Variants in SH3BGRL2 observed in about 807,000 individuals in gnomAD.
SH3BGRL2 encodes the protein SH3 domain binding glutamate rich protein like 2.
A neutral mutation model predicts 14.8 loss-of-function variants in SH3BGRL2; 21 were observed. That is an observed-to-expected ratio of 1.42 (90% CI 1.01 to 2.05). SH3BGRL2 has a LOEUF of 2.05. Ranked by LOEUF, SH3BGRL2 falls within the 30% of genes most tolerant of loss-of-function variation. The probability of loss-of-function intolerance (pLI) is 0.00; values close to 1 mark genes in which losing one functional copy is unlikely to be tolerated. For synonymous variants in SH3BGRL2, 50 were observed against 47.8 expected, an observed-to-expected ratio of 1.05 and a Z score of -0.19; for missense variants, 147 against 130.8, an observed-to-expected ratio of 1.12 and a Z score of -0.61.
chr6:79,561,860 C>T, the SH3BGRL2 span, among the ~76,000 whole-genome samples: 3 of 152,124 alleles, frequency 2.0e-5, no homozygotes, highest in East Asian at 5.8e-4. Context: ...AACTAAAATA[C>T]ATAGATGGTT....
intron 2 of SH3BGRL2, among the ~76,000 whole-genome samples, chr6:79,679,091 A>G (rs1347024063): frequency 6.6e-6 from 1 of 152,102 alleles, no homozygotes; most frequent in Non-Finnish European, 1.5e-5. Flanking sequence ...ATGAGTGCAT[A>G]TATCTCTTTG....
chr6:79,602,727 G>A, the SH3BGRL2 span, among the ~76,000 whole-genome samples: 1 of 152,124 alleles, frequency 6.6e-6, no homozygotes, highest in Admixed American at 6.6e-5. Context: ...AAGAAAAATG[G>A]TCTAATTTGG....
Position 79,702,240 on chromosome 6 carries a change from A to G in SH3BGRL2, c.*2731A>G, listed in dbSNP as rs1276761538. ...CTCCACATAGATGTTTTTATATTAC[A>G]TGAATTTAATAATAAACTAAACTTT... On this transcript the variant is annotated 3_prime_UTR_variant, in exon 4 of 4. Transcript: ENST00000369838. 7.9e-5 allele frequency: 12 copies of G among 152,656 alleles called. No homozygotes were observed. The highest frequency in any genetic ancestry group is 7.9e-4 in the Admixed American group (12 of 15,282). 9.5% of individuals were successfully genotyped at this position (152,656 alleles called of 1,614,324 possible).
At chr6:79,667,413 A>G (rs748628893) in intron 1 of SH3BGRL2, among the ~76,000 whole-genome samples, 5 of 151,052 alleles carry the variant, frequency 3.3e-5, no homozygotes, top group Non-Finnish European at 7.4e-5. Context: ...TTTAGGCTGA[A>G]CTCAAAATAT....
rs183070643 is a variant in SH3BGRL2 at position 79,680,608 on chromosome 6, C to A, written c.231+6809C>A. Among the ~76,000 whole-genome samples the A allele has an allele frequency of 2.3e-3, 348 of 152,086 alleles. 1 individual carries two copies. Among genetic ancestry groups the A allele is most frequent in the African/African-American group, 8.1e-3 (336 of 41,514 alleles). On this transcript the variant is annotated intron_variant, in intron 2 of 3. Transcript: ENST00000369838. ...AGGATGATTTTTTTTTCTATTTCTG[C>A]AAAAACTGCTGTTGAAATTTTAATA...
intron 3 of SH3BGRL2, among the ~76,000 whole-genome samples, chr6:79,697,466 A>G (rs1338196308): frequency 6.6e-6 from 1 of 152,182 alleles, no homozygotes; most frequent in Non-Finnish European, 1.5e-5. Context: ...GTCTTAAAAT[A>G]GTAGGTCTTT....
At chr6:79,675,446 AT>A (rs1187708049) in intron 2 of SH3BGRL2, among the ~76,000 whole-genome samples, 4 of 152,076 alleles carry the variant, frequency 2.6e-5, no homozygotes, top group Non-Finnish European at 5.9e-5. Flanking sequence ...GGTATGAGCT[AT>A]TTTTCATTCA....
intron 1 of SH3BGRL2, among the ~76,000 whole-genome samples, chr6:79,643,243 C>T (rs1413526237): frequency 6.6e-6 from 1 of 152,106 alleles, no homozygotes; most frequent in Non-Finnish European, 1.5e-5. Flanking sequence ...AGATTCAAAC[C>T]CTTTTCTTCT....
the SH3BGRL2 span, among the ~76,000 whole-genome samples, chr6:79,572,591 G>A: frequency 2.6e-5 from 4 of 152,008 alleles, no homozygotes; most frequent in African/African-American, 4.8e-5. Context: ...TCAGGCTCCC[G>A]AGGAGCTGGG....
intron 1 of SH3BGRL2, among the ~76,000 whole-genome samples, chr6:79,640,044 C>T (rs137880097): frequency 6.6e-6 from 1 of 152,262 alleles, no homozygotes; most frequent in East Asian, 1.9e-4. Flanking sequence ...AGCTTAAGAA[C>T]ATATCAATGA....
rs147129722 is a variant in SH3BGRL2 at position 79,657,447 on chromosome 6, G to A, written c.46-16167G>A. On this transcript the variant is annotated intron_variant, in intron 1 of 3. Transcript: ENST00000369838. ...GGTTACTAGGAAACCAGAAGAGGAT[G>A]TGGCTCTTGTAGCTGGTGGTGGAGG... Among the ~76,000 whole-genome samples the A allele has an allele frequency of 2.5e-4, 38 of 152,304 alleles. No individual in the cohort carries two copies. The East Asian group carries it at 6.9e-3, about 28-fold the overall frequency.
At chr6:79,633,281 A>T (rs1461459355) in intron 1 of SH3BGRL2, among the ~76,000 whole-genome samples, 1 of 152,142 alleles carries the variant, frequency 6.6e-6, no homozygotes, top group Admixed American at 6.5e-5. Flanking sequence ...TCTTCTGTAA[A>T]ATGAAGGATT....
chr6:79,539,911 G>A, the SH3BGRL2 span, among the ~76,000 whole-genome samples: 1 of 152,088 alleles, frequency 6.6e-6, no homozygotes, highest in African/African-American at 2.4e-5. Flanking sequence ...TTCTACAAAA[G>A]AAGAAAAGCA....
the SH3BGRL2 span, among the ~76,000 whole-genome samples, chr6:79,595,546 A>G: frequency 6.6e-6 from 1 of 152,232 alleles, no homozygotes; most frequent in Non-Finnish European, 1.5e-5. Context: ...ATCTGAAATC[A>G]ATTAATATAA....
At chr6:79,542,516 G>A in the SH3BGRL2 span, among the ~76,000 whole-genome samples, 1 of 152,232 alleles carries the variant, frequency 6.6e-6, no homozygotes, top group African/African-American at 2.4e-5. Flanking sequence ...TGATCCACCC[G>A]CCTTGGCCTC....
the SH3BGRL2 span, among the ~76,000 whole-genome samples, chr6:79,617,200 A>G: frequency 4.1e-3 from 48 of 11,788 alleles, 1 homozygote; most frequent in South Asian, 0.15. Flanking sequence ...CAAAAAAAAG[A>G]AAAAAAAAAG....
chr6:79,677,127 C>T (rs1769901161), intron 2 of SH3BGRL2, among the ~76,000 whole-genome samples: 1 of 152,166 alleles, frequency 6.6e-6, no homozygotes, highest in South Asian at 2.1e-4. Flanking sequence ...TAACCACAGG[C>T]CTTGTTCATC....
At chr6:79,654,871 C>T (rs1297505220) in intron 1 of SH3BGRL2, among the ~76,000 whole-genome samples, 1 of 151,976 alleles carries the variant, frequency 6.6e-6, no homozygotes, top group Non-Finnish European at 1.5e-5. Context: ...TATGGCTTGC[C>T]CTGGGAATCT....
intron 1 of SH3BGRL2, among the ~76,000 whole-genome samples, chr6:79,655,103 C>CAGTCT (rs1431929924): frequency 6.6e-6 from 1 of 152,044 alleles, no homozygotes; most frequent in East Asian, 1.9e-4. Context: ...CTTTAGCACC[C>CAGTCT]AGTCTAGAAT....
Sources: gnomAD v4.1 joint callset for allele counts (sites outside exome capture counted in the v4.1 genomes callset) on GRCh38, gnomAD v4.1.1 for gene constraint, MANE v1.5 for transcripts, NCBI Gene and HGNC (gene_info 2026-07-23, HGNC 2026-07-21) for gene names.